The following RERE variants were observed in gnomAD, a reference collection of about 807,000 sequenced individuals.
RERE encodes arginine-glutamic acid dipeptide repeats, also known as arginine-glutamic acid dipeptide repeats protein.
RERE carries 40 observed loss-of-function variants against 146.1 expected under a neutral mutation model. The observed-to-expected ratio is 0.27, with a 90% CI of 0.21 to 0.36. RERE has a LOEUF of 0.36. Ranked by LOEUF, RERE falls within the 10% of genes least tolerant of loss-of-function variation. RERE has a pLI of 1.00. For missense variants in RERE, 1,933 were observed against 2,138.7 expected (o/e 0.90, Z 1.90); for synonymous variants, 1,003 against 866.0 (o/e 1.16, Z -2.78).
chr1:8,521,593 T>C (rs918442042), intron 7 of RERE, among the ~76,000 whole-genome samples: 2 of 152,242 alleles, frequency 1.3e-5, no homozygotes, highest in Non-Finnish European at 2.9e-5. Context: ...ACTAAGCAAC[T>C]ATGTGCCAAG....
intron 1 of RERE, among the ~76,000 whole-genome samples, chr1:8,788,087 G>A (rs538745991): frequency 8.4e-4 from 127 of 152,020 alleles, no homozygotes; most frequent in African/African-American, 2.9e-3. Context: ...GACAGAGTAA[G>A]ACCCTGTCTC....
intron 1 of RERE, among the ~76,000 whole-genome samples, chr1:8,722,577 C>G (rs577247309): frequency 6.6e-6 from 1 of 152,164 alleles, no homozygotes; most frequent in Non-Finnish European, 1.5e-5. Context: ...GTGGTTTCAA[C>G]CAACCACGGA....
intron 10 of RERE, among the ~76,000 whole-genome samples, chr1:8,485,292 C>T (rs1410771274): frequency 3.9e-5 from 6 of 151,974 alleles, no homozygotes; most frequent in Admixed American, 2.0e-4. Flanking sequence ...ACCTGGGAGG[C>T]GGAGGTTGTG....
intron 10 of RERE, among the ~76,000 whole-genome samples, chr1:8,482,681 C>CAAAAAAAAA (rs35501735): frequency 5.9e-5 from 3 of 51,224 alleles, no homozygotes; most frequent in Non-Finnish European, 8.7e-5. Context: ...GATTCTGTTG[C>CAAAAAAAAA]AAAAAAAAAA....
chr1:8,742,011 T>A (rs528327189), intron 1 of RERE, among the ~76,000 whole-genome samples: 39 of 152,350 alleles, frequency 2.6e-4, no homozygotes, highest in African/African-American at 8.9e-4. Flanking sequence ...TGAATTTATA[T>A]GATTTCAGTA....
chr1:8,430,385 A>T (rs1422296280), intron 11 of RERE, among the ~76,000 whole-genome samples: 1 of 152,158 alleles, frequency 6.6e-6, no homozygotes, highest in Non-Finnish European at 1.5e-5. Context: ...AACACTTTGC[A>T]CTTACTAGTG....
intron 1 of RERE, among the ~76,000 whole-genome samples, chr1:8,802,213 A>C (rs1026899873): frequency 6.6e-6 from 1 of 152,194 alleles, no homozygotes; most frequent in African/African-American, 2.4e-5. Flanking sequence ...GGTTCTGGCC[A>C]AACCAGTCTG....
At chr1:8,455,287 G>C (rs1465803751) in intron 11 of RERE, among the ~76,000 whole-genome samples, 1 of 151,970 alleles carries the variant, frequency 6.6e-6, no homozygotes, top group African/African-American at 2.4e-5. Context: ...TGTCACCCAG[G>C]CTGGAGTGCA....
chr1:8,463,956 T>G (rs1644561401), intron 11 of RERE, among the ~76,000 whole-genome samples: 1 of 152,228 alleles, frequency 6.6e-6, no homozygotes, highest in South Asian at 2.1e-4. Context: ...TCCTTATGTG[T>G]TTCTTCCACA....
At chr1:8,436,701 G>C (rs1644174490) in intron 11 of RERE, among the ~76,000 whole-genome samples, 1 of 151,848 alleles carries the variant, frequency 6.6e-6, no homozygotes, top group African/African-American at 2.4e-5. Context: ...AAAAGAAACA[G>C]GTAAAATTAA....
At position 8,786,597 on chromosome 1, in the gene RERE, A is replaced by G. The variant is rs983073058; in HGVS notation, c.-145+30563T>C. On this transcript the variant is annotated intron_variant, in intron 1 of 22. Transcript: ENST00000400908. The stretch of plus-strand genomic sequence containing the variant: ...CAAAGGTTCCACTGAAGATTTGATA[A>G]AGGCGAAGAAGCTGCAACACCTTTC... 3.5e-5 allele frequency: 27 copies of G among 768,044 alleles called. No homozygotes were observed. In the African/African-American group the frequency reaches 4.4e-4, roughly 12 times the overall value. 47.6% of individuals were successfully genotyped at this position (768,044 alleles called of 1,614,324 possible). A position where few individuals can be genotyped will look rare whatever the true frequency, so the allele number is the denominator to read the frequency against.
chr1:8,661,778 A>G (rs914156962), intron 1 of RERE, among the ~76,000 whole-genome samples: 1 of 152,196 alleles, frequency 6.6e-6, no homozygotes, highest in African/African-American at 2.4e-5. Context: ...CTTGATCAAG[A>G]AGCCTAGAAA....
At chr1:8,497,571 TAATTA>T (rs1381051489) in intron 8 of RERE, 42 bp from the exon 9 acceptor site, 1 of 1,609,152 alleles carries the variant, frequency 6.2e-7, no homozygotes, top group Non-Finnish European at 8.5e-7. Flanking sequence ...AGGCATGTAT[TAATTA>T]TAAAGAGCTA....
chr1:8,673,079 T>C (rs1570592494), intron 1 of RERE, among the ~76,000 whole-genome samples: 1 of 152,246 alleles, frequency 6.6e-6, no homozygotes, highest in Admixed American at 6.5e-5. Context: ...TTTTATCATT[T>C]AGAGGAGCCT....
At position 8,497,397 on chromosome 1, in the gene RERE, C is replaced by G. The variant is rs752513897; in HGVS notation, c.1004+8G>C. On this transcript the variant is annotated splice_region_variant and intron_variant, in intron 9 of 22. Transcript: ENST00000400908. ...TCAGAAAGCAGGATGGGGGTAGATT[C>G]CTATTACCTTGCTGCCCTCAAGTAC... 5.6e-6 allele frequency: 9 copies of G among 1,613,884 alleles called. No homozygotes were observed. The highest frequency in any genetic ancestry group is 7.6e-6 in the Non-Finnish European group (9 of 1,179,960).
intron 4 of RERE, among the ~76,000 whole-genome samples, chr1:8,559,014 A>G (rs9730025): frequency 0.85 from 128,346 of 150,670 alleles, 55,074 homozygotes; most frequent in East Asian, 0.95. Flanking sequence ...CAGACTGGTC[A>G]GGAACTCCTG....
rs34493389 is a variant in RERE at position 8,385,968 on chromosome 1, T to TAA, written c.1285-19996_1285-19995dup. Among the ~76,000 whole-genome samples the TAA allele has an allele frequency of 7.4e-3, 70 of 9,474 alleles. 4 individuals carry two copies. The highest frequency in any genetic ancestry group is 0.013 in the East Asian group (2 of 160). The allele number at this position is 9,474 out of a possible 152,430, so 6.2% of individuals were successfully genotyped here. A position where few individuals can be genotyped will look rare whatever the true frequency, so the allele number is the denominator to read the frequency against. On this transcript the variant is annotated intron_variant, in intron 12 of 22. Coordinates refer to ENST00000400908, the MANE Select transcript of RERE (RefSeq NM_001042681.2). ...TGGGTGACACAGCAAGACTCCGTCT[T>TAA]AAAAAAAAAAAAAAAAAAAAAAAAA...
chr1:8,409,195 G>A (rs1015706012), intron 12 of RERE, among the ~76,000 whole-genome samples: 2 of 152,214 alleles, frequency 1.3e-5, no homozygotes, highest in African/African-American at 2.4e-5. Flanking sequence ...GGAGTACAAC[G>A]TTTGAGAAGA....
intron 1 of RERE, among the ~76,000 whole-genome samples, chr1:8,772,840 G>A (rs1306515849): frequency 1.3e-5 from 2 of 152,040 alleles, no homozygotes; most frequent in African/African-American, 4.8e-5. Context: ...TGTAATCCCA[G>A]CACTTTGGAA....
Sources: allele counts gnomAD v4.1 joint callset (sites outside exome capture counted in the v4.1 genomes callset), GRCh38; gene constraint gnomAD v4.1.1; transcripts MANE v1.5; gene names NCBI Gene and HGNC (gene_info 2026-07-23, HGNC 2026-07-21).